The following RWDD1 variants were observed in gnomAD, a reference collection of about 807,000 sequenced individuals.
The protein encoded by RWDD1 is RWD domain containing 1.
In RWDD1, 17 loss-of-function variants were observed where a neutral mutation model predicts 31.6. That is an observed-to-expected ratio of 0.54 (90% CI 0.37 to 0.81). The LOEUF (loss-of-function observed/expected upper bound fraction) is 0.81, where lower values mean the gene tolerates loss of function less well. RWDD1 is among the 30% of genes least tolerant of loss of function. The pLI is 0.00. For missense variants in RWDD1, 204 were observed against 274.5 expected (o/e 0.74, Z 1.82); for synonymous variants, 78 against 94.2 (o/e 0.83, Z 0.99).
intron 1 of RWDD1, among the ~76,000 whole-genome samples, chr6:116,579,096 G>A (rs1267215619): frequency 6.6e-6 from 1 of 152,258 alleles, no homozygotes; most frequent in East Asian, 1.9e-4. Context: ...GGCTGGTCTC[G>A]AACTCCTGGC....
At chr6:116,580,094 C>A (rs1047194676) in intron 1 of RWDD1, 1 of 353,074 alleles carries the variant, frequency 2.8e-6, no homozygotes, top group East Asian at 4.1e-5. Context: ...TTATTTCTTT[C>A]CAGATTAAAG....
At chr6:116,589,351 A>G (rs1017476248) in intron 4 of RWDD1, among the ~76,000 whole-genome samples, 2 of 152,106 alleles carry the variant, frequency 1.3e-5, no homozygotes, top group Non-Finnish European at 2.9e-5. Flanking sequence ...CTGATGAGCT[A>G]AAAAAAATTT....
chr6:116,579,209 GC>G (rs1774907313), intron 1 of RWDD1, among the ~76,000 whole-genome samples: 2 of 152,184 alleles, frequency 1.3e-5, no homozygotes, highest in Non-Finnish European at 2.9e-5. Context: ...ATTTATGATG[GC>G]TTTAGAAAGT....
At chr6:116,583,533 T>C (rs537869402) in intron 2 of RWDD1, among the ~76,000 whole-genome samples, 128 of 149,984 alleles carry the variant, frequency 8.5e-4, no homozygotes, top group African/African-American at 2.9e-3. Flanking sequence ...TCTCACCACA[T>C]ACACACACAC....
chr6:116,592,183 C>G (rs1310945844), intron 6 of RWDD1, among the ~76,000 whole-genome samples: 1 of 149,404 alleles, frequency 6.7e-6, no homozygotes, highest in East Asian at 2.0e-4. Flanking sequence ...AAATCTGGCC[C>G]TCATCTACGT....
intron 4 of RWDD1, 96 bp downstream of exon 4, chr6:116,589,081 G>A: frequency 9.8e-7 from 1 of 1,019,118 alleles, no homozygotes; most frequent in Non-Finnish European, 1.2e-6. Flanking sequence ...TATTTTTTTT[G>A]GAAATCACAA....
intron 1 of RWDD1, among the ~76,000 whole-genome samples, chr6:116,575,228 A>G (rs963963371): frequency 2.0e-5 from 3 of 151,474 alleles, no homozygotes; most frequent in South Asian, 2.1e-4. Context: ...TTGGGATTAC[A>G]GGGTGTGCCA....
intron 3 of RWDD1, among the ~76,000 whole-genome samples, chr6:116,585,062 C>T (rs1027781367): frequency 1.3e-5 from 2 of 152,154 alleles, no homozygotes; most frequent in Non-Finnish European, 2.9e-5. Flanking sequence ...AGTGCCCCTG[C>T]TTGAAACTCA....
intron 1 of RWDD1, chr6:116,572,780 G>A: frequency 2.2e-6 from 2 of 910,962 alleles, no homozygotes; most frequent in East Asian, 1.2e-4. Context: ...CCCTTTCATT[G>A]TTTAGCTTAG....
At position 116,594,173 on chromosome 6, in the gene RWDD1, A is replaced by G. The variant is rs902483761; in HGVS notation, c.*1072A>G. The G allele has an allele frequency of 1.8e-4, 27 of 150,646 alleles. No individual in the cohort carries two copies. Among genetic ancestry groups the G allele is most frequent in the African/African-American group, 5.6e-4 (23 of 40,944 alleles). 9.3% of individuals were successfully genotyped at this position (150,646 alleles called of 1,614,324 possible). ...GAACTCCCTCACCCCTGCTCCCCACAGGAAGGCATTAATCTATTTATGAGG... is the reference window on the plus strand; with the variant it reads ...GAACTCCCTCACCCCTGCTCCCCACGGGAAGGCATTAATCTATTTATGAGG... On this transcript the variant is annotated 3_prime_UTR_variant, in exon 7 of 7. Coordinates refer to ENST00000466444, the MANE Select transcript of RWDD1 (RefSeq NM_015952.4).
rs767662635 is a variant in RWDD1, at chr6:116,584,768, C to G, written c.181C>G (p.Pro61Ala). 1 of 1,607,528 alleles carries G rather than the reference C, an allele frequency of 6.2e-7. No individual in the cohort carries two copies. The highest frequency in any genetic ancestry group is 8.5e-7 in the Non-Finnish European group (1 of 1,174,328). Reference protein sequence around the residue: ...TLKFTYSEKYPDEAPLYEIFS... With the variant: ...TLKFTYSEKYADEAPLYEIFS... ...CAAGTTTACATACAGTGAAAAATAC[C>G]CAGATGAAGCTCCCCTTTATGAAAT... is the stretch of plus-strand genomic sequence containing the variant. The change falls in exon 3 of 7, where the codon CCA (proline) becomes GCA (alanine). Residue 61 changes from proline (P) to alanine (A), a missense_variant. By Grantham distance (27) the Pro-to-Ala change is conservative. Transcript: ENST00000466444.
chr6:116,579,533 T>A (rs1400665786), intron 1 of RWDD1, among the ~76,000 whole-genome samples: 1 of 152,250 alleles, frequency 6.6e-6, no homozygotes, highest in Non-Finnish European at 1.5e-5. Context: ...TGCCAGATAC[T>A]GATCTAGGAG....
In RWDD1 at chr6:116,593,107, T is replaced by C. The variant is rs778035529; in HGVS notation, c.*6T>C. 13 of 1,610,620 alleles carry C rather than the reference T, an allele frequency of 8.1e-6. No homozygotes were observed. Among genetic ancestry groups the C allele is most frequent in the Non-Finnish European group, 1.0e-5 (12 of 1,178,726 alleles). Reference sequence around the variant, plus strand: ...AGAGTGACTCAGCTGACTAATGGACTGTCCCCATCTGCAGAGAGGCTTGAC... The same window carrying C: ...AGAGTGACTCAGCTGACTAATGGACCGTCCCCATCTGCAGAGAGGCTTGAC... On this transcript the variant is annotated 3_prime_UTR_variant, in exon 7 of 7. Coordinates refer to ENST00000466444, the MANE Select transcript of RWDD1 (RefSeq NM_015952.4).
Position 116,588,920 on chromosome 6 carries a change from C to G in RWDD1, c.349C>G (p.Gln117Glu). ...AGAAAAATTAAATGAAATAGTAGAT[C>G]AGATAAAAACTAGAAGAGAAGAAGA... ...VQEKLNEIVD[Q>E]IKTRREEEKK... The change falls in exon 4 of 7, where the codon CAG becomes GAG. Residue 117 changes from glutamine (Q) to glutamate (E), a missense_variant. Gln to Glu is a conservative substitution (Grantham distance 29). Coordinates refer to ENST00000466444, the MANE Select transcript of RWDD1 (RefSeq NM_015952.4). 6.8e-7 allele frequency: 1 copy of G among 1,466,858 alleles called. No individual in the cohort carries two copies. Among genetic ancestry groups the G allele is most frequent in the Non-Finnish European group, 9.1e-7 (1 of 1,100,890 alleles). 90.9% of individuals were successfully genotyped at this position (1,466,858 alleles called of 1,614,324 possible).
At chr6:116,587,104 A>G (rs6900787) in intron 3 of RWDD1, among the ~76,000 whole-genome samples, 16,594 of 152,202 alleles carry the variant, frequency 0.11, 1,046 homozygotes, top group Admixed American at 0.18. Context: ...ATTGGATATG[A>G]AAGTTTTGTT....
At chr6:116,579,496 G>A (rs1774911319) in intron 1 of RWDD1, among the ~76,000 whole-genome samples, 1 of 151,892 alleles carries the variant, frequency 6.6e-6, no homozygotes. Flanking sequence ...GTTTTATTGG[G>A]GCAATATTAA....
At position 116,577,050 on chromosome 6, in the gene RWDD1, G is replaced by T. The variant is rs184752764; in HGVS notation, c.74-3245G>T. Among the ~76,000 whole-genome samples, 125 of 152,300 alleles carry T rather than the reference G, an allele frequency of 8.2e-4. No homozygotes were observed. The East Asian group carries it at 0.021, about 26-fold the overall frequency. ...TCAGACTCAGATTCTAATAGGTAGG[G>T]TGGCTTCACAAATAAAATAGACTTT... On this transcript the variant is annotated intron_variant, in intron 1 of 6. Transcript: ENST00000466444.
At chr6:116,588,820 A>G in intron 3 of RWDD1, 22 bp from the exon 4 acceptor site, 1 of 1,505,650 alleles carries the variant, frequency 6.6e-7, no homozygotes, top group Non-Finnish European at 8.8e-7. Context: ...GTTATTCCTC[A>G]TCACCTTTTT....
In RWDD1 at chr6:116,574,396, G is replaced by A. The variant is rs560287769; in HGVS notation, c.73+2741G>A. ...TGTATCTTGAGATAGGTAAGAAGTC[G>A]TCCTGTAAAAGCAGTTTGTTCTAAG... On this transcript the variant is annotated intron_variant, in intron 1 of 6. Coordinates refer to ENST00000466444, the MANE Select transcript of RWDD1 (RefSeq NM_015952.4). 2.2e-4 allele frequency among the ~76,000 whole-genome samples: 33 copies of A among 152,244 alleles called. No individual in the cohort carries two copies. The South Asian group carries it at 6.2e-3, about 29-fold the overall frequency.
Sources: allele counts gnomAD v4.1 joint callset (sites outside exome capture counted in the v4.1 genomes callset), GRCh38; gene constraint gnomAD v4.1.1; transcripts MANE v1.5; gene names NCBI Gene and HGNC (gene_info 2026-07-23, HGNC 2026-07-21).